SIPA1L2: variants seen among roughly 807,000 people sequenced by gnomAD.
SIPA1L2 encodes the protein signal induced proliferation associated 1 like 2.
Under a neutral mutation model 163.9 loss-of-function variants are expected in SIPA1L2, and 56 were observed. That is an observed-to-expected ratio of 0.34 (90% CI 0.28 to 0.43). The LOEUF (loss-of-function observed/expected upper bound fraction) is 0.43, where lower values mean the gene tolerates loss of function less well. Ranked by LOEUF, SIPA1L2 falls within the 20% of genes least tolerant of loss-of-function variation. The pLI is 1.00. For synonymous variants in SIPA1L2, 877 were observed against 865.7 expected, an observed-to-expected ratio of 1.01 and a Z score of -0.23; for missense variants, 1,974 against 2,193.5, an observed-to-expected ratio of 0.90 and a Z score of 2.00.
intron 9 of SIPA1L2, among the ~76,000 whole-genome samples, chr1:232,463,370 G>A (rs1036287884): frequency 6.6e-6 from 1 of 152,104 alleles, no homozygotes; most frequent in East Asian, 1.9e-4. Context: ...TCCCATTTCT[G>A]TTACTACCAC....
intron 10 of SIPA1L2, among the ~76,000 whole-genome samples, chr1:232,448,240 G>A (rs767121382): frequency 2.6e-5 from 4 of 152,188 alleles, no homozygotes; most frequent in Non-Finnish European, 5.9e-5. Flanking sequence ...GTCAGCCTGC[G>A]AAGCTAATTG....
chr1:232,610,444 C>T (rs1178945081), intron 1 of SIPA1L2, among the ~76,000 whole-genome samples: 1 of 152,182 alleles, frequency 6.6e-6, no homozygotes, highest in Admixed American at 6.5e-5. Flanking sequence ...TAAAGCAAGA[C>T]ACAAAAACTC....
At chr1:232,532,547 G>A (rs16857569) in intron 2 of SIPA1L2, among the ~76,000 whole-genome samples, 3,290 of 152,174 alleles carry the variant, frequency 0.022, 121 homozygotes, top group African/African-American at 0.076. Context: ...AATCATTTGG[G>A]CACATAATAA....
intron 3 of SIPA1L2, among the ~76,000 whole-genome samples, chr1:232,499,884 T>C (rs1462876140): frequency 6.6e-6 from 1 of 152,212 alleles, no homozygotes; most frequent in Admixed American, 6.5e-5. Flanking sequence ...TGGAAAACCC[T>C]AGGGCCCTTA....
chr1:232,401,079 T>C (rs1021738036), intron 22 of SIPA1L2, among the ~76,000 whole-genome samples: 5 of 152,162 alleles, frequency 3.3e-5, no homozygotes, highest in African/African-American at 1.2e-4. Flanking sequence ...CTTTGGTTTA[T>C]TCATGCCCTG....
Position 232,501,973 on chromosome 1 carries a change from T to A in SIPA1L2, c.1484-8313A>T, listed in dbSNP as rs1039662401. Among the ~76,000 whole-genome samples, 24 of 152,240 alleles carry A rather than the reference T, an allele frequency of 1.6e-4. 1 individual carries two copies. Among genetic ancestry groups the A allele is most frequent in the South Asian group, 4.1e-4 (2 of 4,836 alleles). On this transcript the variant is annotated intron_variant, in intron 3 of 22. Coordinates refer to ENST00000674635, the MANE Select transcript of SIPA1L2 (RefSeq NM_020808.5). ...ACTTTGTGGCATTATGCCCATTTTTTAAATTCCTTCACTGTCATTTTTATT... is the reference window on the plus strand; with the variant it reads ...ACTTTGTGGCATTATGCCCATTTTTAAAATTCCTTCACTGTCATTTTTATT...
Position 232,439,118 on chromosome 1 carries a change from A to C in SIPA1L2, c.4021T>G (p.Ser1341Ala), listed in dbSNP as rs767195172. The change falls in exon 15 of 23, where the codon TCT becomes GCT. Residue 1341 changes from serine (S) to alanine (A), a missense_variant. Ser to Ala is a moderately conservative substitution (Grantham distance 99). Coordinates refer to ENST00000674635, the MANE Select transcript of SIPA1L2 (RefSeq NM_020808.5). ...TGCTGTGGGGCTTACCTGGAATGAG[A>C]GGATATCTCACTGAGATCGCCCATG... Reference protein sequence around the residue: ...GSMGDLSEISSHSSGSHHSGS... With the variant: ...GSMGDLSEISAHSSGSHHSGS... The C allele has an allele frequency of 2.4e-5, 39 of 1,605,394 alleles. No homozygotes were observed. In the South Asian group the frequency reaches 4.2e-4, roughly 17 times the overall value.
At chr1:232,495,356 G>T (rs983331458) in intron 3 of SIPA1L2, among the ~76,000 whole-genome samples, 2 of 152,124 alleles carry the variant, frequency 1.3e-5, no homozygotes, top group African/African-American at 2.4e-5. Context: ...GAGGTTAGGA[G>T]ATCGAGACCA....
At chr1:232,531,039 G>A (rs1363991519) in intron 2 of SIPA1L2, among the ~76,000 whole-genome samples, 1 of 152,196 alleles carries the variant, frequency 6.6e-6, no homozygotes, top group African/African-American at 2.4e-5. Flanking sequence ...TTGCTCTGCT[G>A]TCAAAATATA....
intron 19 of SIPA1L2, among the ~76,000 whole-genome samples, chr1:232,404,540 T>C (rs1314888856): frequency 6.6e-6 from 1 of 152,150 alleles, no homozygotes; most frequent in African/African-American, 2.4e-5. Flanking sequence ...TAAAGGAAGA[T>C]CTGAGGGGCT....
chr1:232,504,570 C>A (rs1287847315), intron 3 of SIPA1L2, among the ~76,000 whole-genome samples: 1 of 151,932 alleles, frequency 6.6e-6, no homozygotes, highest in Non-Finnish European at 1.5e-5. Context: ...AACTCAACAA[C>A]CTCAAGAAGT....
intron 10 of SIPA1L2, among the ~76,000 whole-genome samples, chr1:232,447,419 C>T (rs1006194004): frequency 4.6e-5 from 7 of 152,248 alleles, no homozygotes; most frequent in Non-Finnish European, 7.3e-5. Context: ...CACATCTCAA[C>T]TTAAATCTTG....
chr1:232,424,322 CAAAAAAAAAAAAAAAA>C (rs55961523), intron 18 of SIPA1L2, among the ~76,000 whole-genome samples: 5 of 71,792 alleles, frequency 7.0e-5, no homozygotes, highest in Non-Finnish European at 1.3e-4. Flanking sequence ...GTGAAGCTAA[CAAAAAAAAAAAAAAAA>C]AAAAAAAAAA....
intron 1 of SIPA1L2, among the ~76,000 whole-genome samples, chr1:232,603,809 T>C (rs562688692): frequency 6.6e-6 from 1 of 152,252 alleles, no homozygotes; most frequent in East Asian, 1.9e-4. Context: ...CACATCATTA[T>C]ACCCCAAGTC....
At chr1:232,566,944 G>C (rs1659438510) in intron 2 of SIPA1L2, among the ~76,000 whole-genome samples, 1 of 152,190 alleles carries the variant, frequency 6.6e-6, no homozygotes. Context: ...TGAACATATA[G>C]AAGATAATAT....
chr1:232,487,526 T>C (rs1400831625), intron 5 of SIPA1L2, among the ~76,000 whole-genome samples: 1 of 152,184 alleles, frequency 6.6e-6, no homozygotes, highest in African/African-American at 2.4e-5. Flanking sequence ...CATAATATTC[T>C]AAGATAGTGA....
intron 1 of SIPA1L2, among the ~76,000 whole-genome samples, chr1:232,610,065 T>C (rs942966800): frequency 3.9e-5 from 6 of 152,190 alleles, no homozygotes; most frequent in Non-Finnish European, 7.3e-5. Flanking sequence ...GGAACAAATG[T>C]AATTCTTTAA....
At chr1:232,458,256 T>C (rs1246013337) in intron 10 of SIPA1L2, among the ~76,000 whole-genome samples, 4 of 152,196 alleles carry the variant, frequency 2.6e-5, no homozygotes, top group Admixed American at 6.5e-5. Flanking sequence ...CCTAGCTCCA[T>C]TAAGAGAATT....
intron 1 of SIPA1L2, among the ~76,000 whole-genome samples, chr1:232,629,288 A>C (rs1663241982): frequency 6.6e-6 from 1 of 152,202 alleles, no homozygotes; most frequent in Non-Finnish European, 1.5e-5. Context: ...AACTACCCTC[A>C]CTGACACGGG....
Sources: gnomAD v4.1 joint callset for allele counts (sites outside exome capture counted in the v4.1 genomes callset) on GRCh38, gnomAD v4.1.1 for gene constraint, MANE v1.5 for transcripts, NCBI Gene and HGNC (gene_info 2026-07-23, HGNC 2026-07-21) for gene names.